SPAST: variants seen among roughly 807,000 people sequenced by gnomAD.
The protein encoded by SPAST is spastic paraplegia 4 (autosomal dominant; spastin).
A neutral mutation model predicts 76.6 loss-of-function variants in SPAST; 30 were observed. The observed-to-expected ratio is 0.39, with a 90% CI of 0.29 to 0.53. The LOEUF (loss-of-function observed/expected upper bound fraction) is 0.53. Ranked by LOEUF, SPAST falls within the 20% of genes least tolerant of loss-of-function variation. The pLI, the probability that SPAST is intolerant of heterozygous loss-of-function variation, is 0.68. For missense variants in SPAST, 717 were observed against 770.5 expected, an observed-to-expected ratio of 0.93 and a Z score of 0.82; for synonymous variants, 305 against 281.0, an observed-to-expected ratio of 1.09 and a Z score of -0.86.
intron 9 of SPAST, among the ~76,000 whole-genome samples, chr2:32,133,655 T>TA (rs573039556): frequency 0.014 from 1,924 of 142,198 alleles, 24 homozygotes; most frequent in African/African-American, 0.041. Flanking sequence ...TATCTATTAT[T>TA]AAAAAAAAAA....
chr2:32,092,439 TTAA>T (rs781776167), intron 3 of SPAST, among the ~76,000 whole-genome samples: 5 of 152,304 alleles, frequency 3.3e-5, no homozygotes, highest in Admixed American at 3.3e-4. Flanking sequence ...TCTTTCAAAA[TTAA>T]TAAGAGTTGG....
chr2:32,137,202 T>C lies in SPAST; in HGVS notation c.1493+14T>C. 2 of 1,563,724 alleles carry C rather than the reference T, an allele frequency of 1.3e-6. No individual in the cohort carries two copies. The highest frequency in any genetic ancestry group is 2.2e-5 in the South Asian group (2 of 90,092). On this transcript the variant is annotated intron_variant, in intron 12 of 16. Coordinates refer to ENST00000315285, the MANE Select transcript of SPAST (RefSeq NM_014946.4). ...GGCTGTTCTCAGGTAGGGAGATTTA[T>C]ATGGAAATACATGCATTTATTACAG...
At chr2:32,079,303 C>T (rs908391696) in intron 1 of SPAST, among the ~76,000 whole-genome samples, 1 of 151,724 alleles carries the variant, frequency 6.6e-6, no homozygotes, top group Non-Finnish European at 1.5e-5. Context: ...ATCACTTGAG[C>T]CCGGGAGTTC....
chr2:32,141,709 C>T (rs900580625), intron 12 of SPAST, among the ~76,000 whole-genome samples, 195 bp from the exon 13 acceptor site: 4 of 152,172 alleles, frequency 2.6e-5, no homozygotes, highest in African/African-American at 9.7e-5. Flanking sequence ...ATGATTAATT[C>T]TAACAATACC....
In SPAST at chr2:32,063,576, C is replaced by G. The variant is rs548120975; in HGVS notation, c.-256C>G. ...CGTGCGCGGCCGCCGCTGGGAGCCA[C>G]CAGGCGGCGGAGAGGACAGCGACAG... On this transcript the variant is annotated 5_prime_UTR_variant, in exon 1 of 17. Transcript: ENST00000315285. 4 of 511,336 alleles carry G rather than the reference C, an allele frequency of 7.8e-6. No individual in the cohort carries two copies. Among genetic ancestry groups the G allele is most frequent in the East Asian group, 3.5e-5 (1 of 28,432 alleles). 31.7% of individuals were successfully genotyped at this position (511,336 alleles called of 1,614,324 possible). A position where few individuals can be genotyped will look rare whatever the true frequency, so the allele number is the denominator to read the frequency against.
intron 15 of SPAST, among the ~76,000 whole-genome samples, chr2:32,146,478 T>A (rs1679889298): frequency 6.6e-6 from 1 of 152,078 alleles, no homozygotes; most frequent in Non-Finnish European, 1.5e-5. Context: ...GGAGGATCAC[T>A]TGAGCCTGGA....
intron 4 of SPAST, among the ~76,000 whole-genome samples, chr2:32,111,767 C>G (rs1381455007): frequency 6.6e-6 from 1 of 151,314 alleles, no homozygotes; most frequent in Non-Finnish European, 1.5e-5. Context: ...CTGAAATACC[C>G]TCATTTTAAT....
At chr2:32,072,591 A>G (rs955716556) in intron 1 of SPAST, among the ~76,000 whole-genome samples, 2 of 152,186 alleles carry the variant, frequency 1.3e-5, no homozygotes, top group African/African-American at 4.8e-5. Flanking sequence ...GGGAGGGTCC[A>G]TGAGTCAGTT....
intron 5 of SPAST, among the ~76,000 whole-genome samples, 169 bp downstream of exon 5, chr2:32,114,994 G>A (rs955488796): frequency 2.7e-5 from 4 of 146,202 alleles, no homozygotes; most frequent in African/African-American, 5.0e-5. Context: ...TGTTTTCCAG[G>A]CTGGAGTGCA....
chr2:32,117,298 A>G (rs1449094610), intron 7 of SPAST, among the ~76,000 whole-genome samples: 6 of 151,934 alleles, frequency 3.9e-5, no homozygotes, highest in African/African-American at 1.4e-4. Flanking sequence ...AAAAATAAAT[A>G]AATAATATTA....
intron 3 of SPAST, among the ~76,000 whole-genome samples, chr2:32,092,269 T>C (rs951547819): frequency 3.9e-5 from 6 of 152,222 alleles, no homozygotes; most frequent in African/African-American, 1.4e-4. Flanking sequence ...AGGTTATTAC[T>C]GTGTCAGATA....
At chr2:32,080,812 T>TTG (rs1558617987) in intron 1 of SPAST, among the ~76,000 whole-genome samples, 2 of 140,770 alleles carry the variant, frequency 1.4e-5, no homozygotes, top group African/African-American at 5.6e-5. Context: ...TTTTTTTTTT[T>TTG]GAGATGGAGT....
At chr2:32,126,469 C>CTTTTTTTTTTT (rs70938323) in intron 7 of SPAST, 2 of 38,692 alleles carry the variant, frequency 5.2e-5, no homozygotes, top group Non-Finnish European at 4.8e-5. Context: ...GGTTTTATTT[C>CTTTTTTTTTTT]TTTTTTTTTT....
At chr2:32,096,486 T>C (rs981270669) in intron 3 of SPAST, among the ~76,000 whole-genome samples, 3 of 152,134 alleles carry the variant, frequency 2.0e-5, no homozygotes, top group South Asian at 2.1e-4. Context: ...TTTACTGTTA[T>C]ACTGTATGTG....
At chr2:32,094,147 A>G (rs1198705260) in intron 3 of SPAST, among the ~76,000 whole-genome samples, 1 of 152,166 alleles carries the variant, frequency 6.6e-6, no homozygotes, top group African/African-American at 2.4e-5. Context: ...TACACAAGTC[A>G]TTTTTATTGT....
At chr2:32,118,563 T>G (rs1678918689) in intron 7 of SPAST, among the ~76,000 whole-genome samples, 1 of 152,116 alleles carries the variant, frequency 6.6e-6, no homozygotes, top group Non-Finnish European at 1.5e-5. Flanking sequence ...GACTAAATAT[T>G]GAAAAAAAAG....
In SPAST at chr2:32,085,497, G is replaced by A. The variant is rs948982955; in HGVS notation, c.416-1995G>A. Among the ~76,000 whole-genome samples, 8 of 152,198 alleles carry A rather than the reference G, an allele frequency of 5.3e-5. No homozygotes were observed. The South Asian group carries it at 6.2e-4, about 12-fold the overall frequency. On this transcript the variant is annotated intron_variant, in intron 1 of 16. Coordinates refer to ENST00000315285, the MANE Select transcript of SPAST (RefSeq NM_014946.4). ...CTCCCAAAGTGCTGGGATTATAGGCGTGAGCAAACTGTGCCCAGTCTTCAT... is the reference window on the plus strand; with the variant it reads ...CTCCCAAAGTGCTGGGATTATAGGCATGAGCAAACTGTGCCCAGTCTTCAT...
intron 4 of SPAST, among the ~76,000 whole-genome samples, chr2:32,103,562 G>T (rs1451669581): frequency 2.0e-4 from 31 of 152,208 alleles, no homozygotes; most frequent in Non-Finnish European, 5.9e-5. Flanking sequence ...TGATGTTAGG[G>T]TGTCAATTTT....
chr2:32,064,275 CGGCG>C, intron 1 of SPAST, 29 bp downstream of exon 1: 1 of 596,260 alleles, frequency 1.7e-6, no homozygotes, highest in Non-Finnish European at 2.4e-6. Context: ...GAGGGGGCGG[CGGCG>C]CCGGGAAGAA....
Sources: allele counts gnomAD v4.1 joint callset (sites outside exome capture counted in the v4.1 genomes callset), GRCh38; gene constraint gnomAD v4.1.1; transcripts MANE v1.5; gene names NCBI Gene and HGNC (gene_info 2026-07-23, HGNC 2026-07-21).